Variants in MINDY3 observed in about 807,000 individuals in gnomAD.
MINDY3 encodes the protein MINDY lysine 48 deubiquitinase 3.
In MINDY3, 38 loss-of-function variants were observed where a neutral mutation model predicts 69.2. That is an observed-to-expected ratio of 0.55 (90% confidence interval 0.42 to 0.72). MINDY3 has a LOEUF of 0.72. Among genes scored for constraint, MINDY3 ranks in the 30% least tolerant of loss-of-function variants. The probability of loss-of-function intolerance (pLI) is 0.00; values close to 1 mark genes in which losing one functional copy is unlikely to be tolerated. For missense variants in MINDY3, 522 were observed against 519.0 expected (o/e 1.01, Z -0.06); for synonymous variants, 192 against 180.1 (o/e 1.07, Z -0.53).
rs370282263 is a variant in MINDY3, at chr10:15,779,017, G to A, written c.1313C>T (p.Thr438Ile). ...TTAATTTAGTGAAGGAGAGCGATCT[G>A]TGGTCCAGAGTAACTCAATGTATGG... is the stretch of plus-strand genomic sequence containing the variant. ...KWPYIELLWT[T>I]DRSPSLN Residue 438 changes from threonine (T) to isoleucine (I), a missense_variant, in exon 15 of 15, where the codon ACA becomes ATA. By Grantham distance (89) the Thr-to-Ile change is moderately conservative. Coordinates refer to ENST00000277632, the MANE Select transcript of MINDY3 (RefSeq NM_024948.4). 1.2e-6 allele frequency: 2 copies of A among 1,613,288 alleles called. No individual in the cohort carries two copies. Among genetic ancestry groups the A allele is most frequent in the Non-Finnish European group, 1.7e-6 (2 of 1,179,580 alleles).
At chr10:15,839,052 G>C (rs1158529541) in intron 4 of MINDY3, among the ~76,000 whole-genome samples, 1 of 151,634 alleles carries the variant, frequency 6.6e-6, no homozygotes, top group Non-Finnish European at 1.5e-5. Flanking sequence ...AGCACAGATA[G>C]TCTTGGCTCC....
intron 11 of MINDY3, among the ~76,000 whole-genome samples, chr10:15,791,146 C>G (rs980831267): frequency 7.9e-5 from 12 of 152,044 alleles, no homozygotes; most frequent in Admixed American, 7.9e-4. Flanking sequence ...TATTTTAAAA[C>G]TAAAGATGTA....
At chr10:15,831,917 C>T (rs550104524) in intron 8 of MINDY3, among the ~76,000 whole-genome samples, 19 of 152,168 alleles carry the variant, frequency 1.2e-4, no homozygotes, top group African/African-American at 4.3e-4. Flanking sequence ...CTCAGGTGAT[C>T]CATCCACCTC....
chr10:15,789,254 G>A lies in MINDY3; in HGVS notation c.1021C>T (p.Pro341Ser), dbSNP rs1202316011. 1.9e-6 allele frequency: 3 copies of A among 1,609,112 alleles called. No individual in the cohort carries two copies. Among genetic ancestry groups the A allele is most frequent in the African/African-American group, 2.7e-5 (2 of 74,694 alleles). The change falls in exon 12 of 15, where the codon CCT becomes TCT. Residue 341 changes from proline to serine, a missense_variant. By Grantham distance (74) the Pro-to-Ser change is moderately conservative. Transcript: ENST00000277632. ...VMKALDLVSD[P>S]EYINLMKNKL... Reference sequence around the variant, plus strand: ...ACTTCCTATTTAGCTTACTATTCAGGATCTGAAACAAGGTCCAATGCTTTC... The same window carrying A: ...ACTTCCTATTTAGCTTACTATTCAGAATCTGAAACAAGGTCCAATGCTTTC...
intron 9 of MINDY3, 71 bp downstream of exon 9, chr10:15,821,585 G>T (rs528669545): frequency 6.9e-6 from 8 of 1,166,534 alleles, no homozygotes; most frequent in Non-Finnish European, 1.0e-5. Flanking sequence ...GCTGTCAGAG[G>T]AACAAAACAG....
At chr10:15,848,633 C>CAAAAAAAAAAAAAAAAAAAAAAAAAA (rs10719399) in intron 1 of MINDY3, among the ~76,000 whole-genome samples, 6 of 48,798 alleles carry the variant, frequency 1.2e-4, no homozygotes, top group African/African-American at 7.0e-4. Context: ...GACTTCATCT[C>CAAAAAAAAAAAAAAAAAAAAAAAAAA]AAAAAAAAAA....
At chr10:15,782,013 G>C (rs950153120) in intron 14 of MINDY3, 142 bp downstream of exon 14, 1 of 691,046 alleles carries the variant, frequency 1.4e-6, no homozygotes, top group South Asian at 1.7e-5. Context: ...AAAGATGGCT[G>C]ATTCTAAAAT....
rs766804054 is a variant in MINDY3 at position 15,843,280 on chromosome 10, C to T, written c.175-8G>A. On this transcript the variant is annotated splice_region_variant and splice_polypyrimidine_tract_variant and intron_variant, in intron 2 of 14. Coordinates refer to ENST00000277632, the MANE Select transcript of MINDY3 (RefSeq NM_024948.4). Reference sequence around the variant, plus strand: ...CTTCTTCAAAAGAAATGCCTTTACACAATTAAAGCAATAATTAGTGAAATG... The same window carrying T: ...CTTCTTCAAAAGAAATGCCTTTACATAATTAAAGCAATAATTAGTGAAATG... 1.2e-6 allele frequency: 2 copies of T among 1,602,444 alleles called. No individual in the cohort carries two copies. The highest frequency in any genetic ancestry group is 1.7e-6 in the Non-Finnish European group (2 of 1,169,780).
In MINDY3 at chr10:15,834,020, T is replaced by C. The variant is rs191607553; in HGVS notation, c.651-311A>G. On this transcript the variant is annotated intron_variant, in intron 7 of 14. Coordinates refer to ENST00000277632, the MANE Select transcript of MINDY3 (RefSeq NM_024948.4). ...TATTTACAATCTTTAAAAATGAATA[T>C]ATAATTATTAATATTTTGTCTTTGA... Among the ~76,000 whole-genome samples, 51 of 152,086 alleles carry C rather than the reference T, an allele frequency of 3.4e-4. 1 individual carries two copies. In the East Asian group the frequency reaches 8.7e-3, roughly 26 times the overall value.
chr10:15,831,149 TGGTA>T (rs1840429759), intron 8 of MINDY3, among the ~76,000 whole-genome samples: 1 of 152,010 alleles, frequency 6.6e-6, no homozygotes, highest in South Asian at 2.1e-4. Flanking sequence ...CCTCAAGCAG[TGGTA>T]GATAAAGGAG....
chr10:15,834,973 AT>A (rs11423907), intron 6 of MINDY3, among the ~76,000 whole-genome samples: 1 of 151,940 alleles, frequency 6.6e-6, no homozygotes, highest in Non-Finnish European at 1.5e-5. Flanking sequence ...AAGGCAACTG[AT>A]TTTTTTAGAT....
intron 10 of MINDY3, among the ~76,000 whole-genome samples, chr10:15,811,721 C>T (rs945598221): frequency 6.6e-6 from 1 of 151,960 alleles, no homozygotes; most frequent in Admixed American, 6.6e-5. Flanking sequence ...CACTAATTTG[C>T]TTCAGGAAAA....
At position 15,838,295 on chromosome 10, in the gene MINDY3, A is replaced by G; in HGVS notation, c.410-16T>C. ...GCCAAGGCAGCTATACATAAAAGAC[A>G]CTTTTCAGCACTACACATGGCAAAT... On this transcript the variant is annotated splice_polypyrimidine_tract_variant and intron_variant, in intron 4 of 14. Transcript: ENST00000277632. 1 of 1,593,832 alleles carries G rather than the reference A, an allele frequency of 6.3e-7. No individual in the cohort carries two copies. The highest frequency in any genetic ancestry group is 1.7e-4 in the Middle Eastern group (1 of 5,986).
rs1384610365 is a variant in MINDY3, at chr10:15,860,481, C to G, written c.-182G>C. The G allele has an allele frequency of 4.9e-6, 3 of 612,466 alleles. No homozygotes were observed. Among genetic ancestry groups the G allele is most frequent in the African/African-American group, 1.9e-5 (1 of 53,008 alleles). The allele number at this position is 612,466 out of a possible 1,614,324, so 37.9% of individuals were successfully genotyped here. A position where few individuals can be genotyped will look rare whatever the true frequency, so the allele number is the denominator to read the frequency against. On this transcript the variant is annotated 5_prime_UTR_variant, in exon 1 of 15. Coordinates refer to ENST00000277632, the MANE Select transcript of MINDY3 (RefSeq NM_024948.4). ...CCAAGCCTGTCAAGCCAGGTTGGGGCAGCAGCGAGTTTTCCGTACCGGAAG... is the reference window on the plus strand; with the variant it reads ...CCAAGCCTGTCAAGCCAGGTTGGGGGAGCAGCGAGTTTTCCGTACCGGAAG...
intron 13 of MINDY3, among the ~76,000 whole-genome samples, chr10:15,783,902 T>C (rs1368975545): frequency 6.6e-6 from 1 of 152,200 alleles, no homozygotes; most frequent in Non-Finnish European, 1.5e-5. Flanking sequence ...AGTAATTAAC[T>C]GGCATAAAAT....
chr10:15,790,272 C>G (rs895020005), intron 11 of MINDY3, among the ~76,000 whole-genome samples: 8 of 148,724 alleles, frequency 5.4e-5, no homozygotes, highest in African/African-American at 1.7e-4. Context: ...TATTCTTAAA[C>G]CTCTTTTCTA....
Position 15,849,811 on chromosome 10 carries a change from C to T in MINDY3, c.95-1868G>A, listed in dbSNP as rs991293952. 1.1e-4 allele frequency among the ~76,000 whole-genome samples: 17 copies of T among 152,210 alleles called. 1 individual carries two copies. The highest frequency in any genetic ancestry group is 4.4e-5 in the Non-Finnish European group (3 of 68,006). ...ATATTAAAATAAAACAAAACAAAAC[C>T]TTAAGATTCCACCAAAAACTCCAAT... is the stretch of plus-strand genomic sequence containing the variant. On this transcript the variant is annotated intron_variant, in intron 1 of 14. Transcript: ENST00000277632.
chr10:15,802,364 A>T (rs1382936180), intron 10 of MINDY3, among the ~76,000 whole-genome samples: 1 of 152,190 alleles, frequency 6.6e-6, no homozygotes, highest in Non-Finnish European at 1.5e-5. Flanking sequence ...CAGGAAACTT[A>T]TAATCATGCC....
At chr10:15,823,110 T>A (rs1839879243) in intron 8 of MINDY3, among the ~76,000 whole-genome samples, 1 of 152,182 alleles carries the variant, frequency 6.6e-6, no homozygotes, top group African/African-American at 2.4e-5. Context: ...TGTGTAGCCT[T>A]AACTACAACA....
Sources: gnomAD v4.1 joint callset for allele counts (sites outside exome capture counted in the v4.1 genomes callset) on GRCh38, gnomAD v4.1.1 for gene constraint, MANE v1.5 for transcripts, NCBI Gene and HGNC (gene_info 2026-07-23, HGNC 2026-07-21) for gene names.